The following USP20 variants were observed in gnomAD, a reference collection of about 807,000 sequenced individuals.
The protein encoded by USP20 is ubiquitin specific peptidase 20.
Under a neutral mutation model 124.2 loss-of-function variants are expected in USP20, and 80 were observed. That is an observed-to-expected ratio of 0.64 (90% CI 0.54 to 0.78). USP20 has a LOEUF of 0.78. Ranked by LOEUF, USP20 falls within the 30% of genes least tolerant of loss-of-function variation. The pLI is 0.00. For synonymous variants in USP20, 481 were observed against 512.3 expected (o/e 0.94, Z 0.83); for missense variants, 1,043 against 1,244.4 (o/e 0.84, Z 2.44).
intron 3 of USP20, among the ~76,000 whole-genome samples, chr9:129,855,705 A>G (rs1413576589): frequency 6.6e-6 from 1 of 152,222 alleles, no homozygotes; most frequent in Non-Finnish European, 1.5e-5. Flanking sequence ...CGTCATCTGC[A>G]GCAGGCTAGC....
intron 4 of USP20, 48 bp downstream of exon 4, chr9:129,856,408 T>C: frequency 6.3e-7 from 1 of 1,592,196 alleles, no homozygotes; most frequent in Non-Finnish European, 8.6e-7. Flanking sequence ...CTTCCACCTG[T>C]TATCAGCACT....
Position 129,868,020 on chromosome 9 carries a change from C to G in USP20, c.706C>G (p.Leu236Val). The G allele has an allele frequency of 1.2e-6, 2 of 1,613,554 alleles. No individual in the cohort carries two copies. Among genetic ancestry groups the G allele is most frequent in the Non-Finnish European group, 1.7e-6 (2 of 1,179,704 alleles). ...CTGGTTCTAGGACACCCAAGAGTTC[C>G]TTCGCTGCCTGATGGACCAGCTGCA... ...GYAQQDTQEF[L>V]RCLMDQLHEE... The change falls in exon 11 of 26, where the codon CTT becomes GTT. Residue 236 changes from leucine to valine, a missense_variant. Leu to Val is a conservative substitution (Grantham distance 32). Coordinates refer to ENST00000372429, the MANE Select transcript of USP20 (RefSeq NM_001110303.4).
chr9:129,860,729 A>C (rs746513919), intron 6 of USP20, among the ~76,000 whole-genome samples: 8 of 152,210 alleles, frequency 5.3e-5, no homozygotes, highest in African/African-American at 9.6e-5. Flanking sequence ...GTCTCTAAAA[A>C]AACACAGACA....
intron 6 of USP20, among the ~76,000 whole-genome samples, chr9:129,860,330 A>G (rs1373398395): frequency 2.6e-5 from 1 of 39,148 alleles, no homozygotes; most frequent in Non-Finnish European, 7.2e-5. Flanking sequence ...ACTCTGTCTC[A>G]AAAAGAAAAA....
At chr9:129,865,179 C>A in intron 9 of USP20, 124 bp from the exon 10 acceptor site, 1 of 953,350 alleles carries the variant, frequency 1.0e-6, no homozygotes, top group South Asian at 1.5e-5. Context: ...GCTGAGTAGG[C>A]CCCTCCCCAA....
Position 129,852,567 on chromosome 9 carries a change from C to A in USP20, c.12C>A (p.Ser4=). The A allele has an allele frequency of 1.3e-6, 2 of 1,597,228 alleles. No homozygotes were observed. The highest frequency in any genetic ancestry group is 1.3e-5 in the African/African-American group (1 of 74,760). MGD[S]RDLCPHLDSI... is the part of the protein sequence containing the mutation. ...GAGCCCAGGCCAGGATGGGGGACTC[C>A]AGGGACCTTTGCCCTCACCTTGACT... Residue 4 remains serine, a synonymous_variant, in exon 3 of 26, where the codon TCC becomes TCA. Coordinates refer to ENST00000372429, the MANE Select transcript of USP20 (RefSeq NM_001110303.4).
intron 1 of USP20, among the ~76,000 whole-genome samples, chr9:129,844,191 T>G (rs1245980110): frequency 6.6e-6 from 1 of 152,194 alleles, no homozygotes; most frequent in African/African-American, 2.4e-5. Flanking sequence ...AGTAAGGGGT[T>G]GTATAGCTTA....
Position 129,880,316 on chromosome 9 carries a change from T to A in USP20, c.*16+27T>A, listed in dbSNP as rs10118181. 1.4e-3 allele frequency: 2,164 copies of A among 1,537,584 alleles called. 29 individuals are homozygous for A. In the African/African-American group the frequency reaches 0.027, roughly 19 times the overall value. Reference sequence around the variant, plus strand: ...TAAGTCGCCCCGGCTGGTCCCTCCATGGCACTCTGGGTCCTCTCCTCACTC... The same window carrying A: ...TAAGTCGCCCCGGCTGGTCCCTCCAAGGCACTCTGGGTCCTCTCCTCACTC... On this transcript the variant is annotated intron_variant, in intron 25 of 25. Transcript: ENST00000372429.
intron 12 of USP20, 101 bp downstream of exon 12, chr9:129,869,103 T>C (rs1490310797): frequency 2.7e-6 from 4 of 1,469,186 alleles, no homozygotes; most frequent in Non-Finnish European, 3.6e-6. Flanking sequence ...GGCCGGGCTA[T>C]GGGCTCCTCT....
At chr9:129,853,535 G>C (rs906017076) in intron 3 of USP20, among the ~76,000 whole-genome samples, 1 of 152,190 alleles carries the variant, frequency 6.6e-6, no homozygotes, top group Non-Finnish European at 1.5e-5. Context: ...TCCCAGGAGT[G>C]GGATTCCTGG....
intron 1 of USP20, among the ~76,000 whole-genome samples, chr9:129,840,526 A>C (rs1194974456): frequency 6.6e-6 from 1 of 152,210 alleles, no homozygotes; most frequent in Non-Finnish European, 1.5e-5. Flanking sequence ...GTCAAACTTA[A>C]GAAAAATTAC....
chr9:129,870,326 C>T (rs1283328338), intron 14 of USP20, 127 bp from the exon 15 acceptor site: 12 of 1,005,026 alleles, frequency 1.2e-5, no homozygotes, highest in South Asian at 4.6e-5. Context: ...CCGCCGTGCC[C>T]GGCTGCTTCT....
At chr9:129,851,817 T>C (rs2032934404) in intron 2 of USP20, among the ~76,000 whole-genome samples, 2 of 152,072 alleles carry the variant, frequency 1.3e-5, no homozygotes, top group East Asian at 1.9e-4. Context: ...TTTTTTTTTT[T>C]CCATCTCTTG....
chr9:129,856,418 T>C, intron 4 of USP20, 58 bp downstream of exon 4: 6 of 1,572,246 alleles, frequency 3.8e-6, no homozygotes, highest in Non-Finnish European at 5.3e-6. Flanking sequence ...TTATCAGCAC[T>C]GCACAGGCTG....
chr9:129,876,068 A>T, intron 21 of USP20, 62 bp from the exon 22 acceptor site: 1 of 1,431,470 alleles, frequency 7.0e-7, no homozygotes, highest in Non-Finnish European at 9.6e-7. Flanking sequence ...GAAGGCAGTG[A>T]TCACTCTCCC....
intron 4 of USP20, 76 bp downstream of exon 4, chr9:129,856,436 G>A: frequency 6.5e-7 from 1 of 1,535,276 alleles, no homozygotes; most frequent in Non-Finnish European, 9.0e-7. Flanking sequence ...CTGGTGCAGT[G>A]GGCTAGACTC....
intron 3 of USP20, among the ~76,000 whole-genome samples, chr9:129,852,852 A>G (rs750939374): frequency 6.6e-6 from 1 of 152,112 alleles, no homozygotes; most frequent in Non-Finnish European, 1.5e-5. Context: ...CCATTTGGGA[A>G]CCACTAATGC....
Position 129,869,376 on chromosome 9 carries a change from T to C in USP20, c.1343T>C (p.Ile448Thr). 1 of 1,613,688 alleles carries C rather than the reference T, an allele frequency of 6.2e-7. No individual in the cohort carries two copies. Among genetic ancestry groups the C allele is most frequent in the East Asian group, 2.2e-5 (1 of 44,882 alleles). ...CGCTACCGCAGCGTCATCTCAGACA[T>C]CTTTGACGGCTCCATTCTCAGCCTT... ...EQRYRSVISD[I>T]FDGSILSLVQ... is the part of the protein sequence containing the mutation. Residue 448 changes from isoleucine (I) to threonine (T), a missense_variant, in exon 13 of 26, where the codon ATC becomes ACC. Ile to Thr is a moderately conservative substitution (Grantham distance 89, BLOSUM62 -1). Transcript: ENST00000372429.
chr9:129,852,885 G>A (rs1346329634), intron 3 of USP20, among the ~76,000 whole-genome samples: 2 of 152,100 alleles, frequency 1.3e-5, no homozygotes, highest in Non-Finnish European at 2.9e-5. Flanking sequence ...AGCTGTTGGG[G>A]CGGTGCACAG....
Sources: gnomAD v4.1 joint callset for allele counts (sites outside exome capture counted in the v4.1 genomes callset) on GRCh38, gnomAD v4.1.1 for gene constraint, MANE v1.5 for transcripts, NCBI Gene and HGNC (gene_info 2026-07-23, HGNC 2026-07-21) for gene names.